The following TAFA1 variants were observed in gnomAD, a reference collection of about 807,000 sequenced individuals.
The protein encoded by TAFA1 is chemokine-like protein TAFA-1.
Under a neutral mutation model 18.5 loss-of-function variants are expected in TAFA1, and 4 were observed. The ratio of observed to expected loss-of-function variants is 0.22; its 90% CI spans 0.11 to 0.49. The LOEUF (loss-of-function observed/expected upper bound fraction) is 0.49, where lower values mean the gene tolerates loss of function less well. Ranked by LOEUF, TAFA1 falls within the 20% of genes least tolerant of loss-of-function variation. The pLI, the probability that TAFA1 is intolerant of heterozygous loss-of-function variation, is 0.98. For synonymous variants in TAFA1, 56 were observed against 55.2 expected (o/e 1.01, Z -0.06); for missense variants, 147 against 169.0 (o/e 0.87, Z 0.72).
intron 2 of TAFA1, among the ~76,000 whole-genome samples, chr3:68,327,885 G>A (rs899693308): frequency 6.6e-6 from 1 of 152,140 alleles, no homozygotes; most frequent in Non-Finnish European, 1.5e-5. Flanking sequence ...ATGGACCCAG[G>A]TGGTCTACAA....
intron 2 of TAFA1, among the ~76,000 whole-genome samples, chr3:68,291,233 A>C (rs1477247786): frequency 6.6e-6 from 1 of 152,196 alleles, no homozygotes; most frequent in Non-Finnish European, 1.5e-5. Flanking sequence ...TAATAGAATA[A>C]GAGATATTTA....
At chr3:68,372,839 C>G (rs958701834) in intron 2 of TAFA1, among the ~76,000 whole-genome samples, 2 of 152,044 alleles carry the variant, frequency 1.3e-5, no homozygotes, top group African/African-American at 4.8e-5. Flanking sequence ...TAAAGAATAG[C>G]CCCAATAAGA....
At chr3:68,299,750 G>A (rs2068271506) in intron 2 of TAFA1, among the ~76,000 whole-genome samples, 1 of 152,198 alleles carries the variant, frequency 6.6e-6, no homozygotes, top group South Asian at 2.1e-4. Flanking sequence ...GCAGTCTTGG[G>A]ACTTGGTGTC....
At chr3:68,310,271 T>C (rs1334787957) in intron 2 of TAFA1, among the ~76,000 whole-genome samples, 1 of 152,178 alleles carries the variant, frequency 6.6e-6, no homozygotes, top group Non-Finnish European at 1.5e-5. Context: ...TCTTAAGTAG[T>C]TTTTGTTTAA....
At chr3:68,415,898 C>T (rs2070826517) in intron 2 of TAFA1, among the ~76,000 whole-genome samples, 1 of 152,100 alleles carries the variant, frequency 6.6e-6, no homozygotes, top group Admixed American at 6.6e-5. Context: ...CATAATTAGT[C>T]TACTCAAAAT....
chr3:68,197,305 G>T (rs1026608846), intron 2 of TAFA1, among the ~76,000 whole-genome samples: 2 of 151,628 alleles, frequency 1.3e-5, no homozygotes, highest in African/African-American at 4.8e-5. Context: ...ATATAATATT[G>T]CTTTTTAAAA....
chr3:68,221,200 A>T (rs978106836), intron 2 of TAFA1, among the ~76,000 whole-genome samples: 1 of 152,186 alleles, frequency 6.6e-6, no homozygotes, highest in South Asian at 2.1e-4. Context: ...TGTGGACTTC[A>T]GTATTACTGT....
chr3:68,239,830 A>C (rs939972277), intron 2 of TAFA1, among the ~76,000 whole-genome samples: 3 of 152,158 alleles, frequency 2.0e-5, no homozygotes, highest in Non-Finnish European at 4.4e-5. Flanking sequence ...CCCTGTAACA[A>C]CCTTGTTGAC....
chr3:68,074,147 C>T (rs532581122), intron 2 of TAFA1, among the ~76,000 whole-genome samples: 1 of 152,250 alleles, frequency 6.6e-6, no homozygotes, highest in East Asian at 1.9e-4. Flanking sequence ...AGATCTCACA[C>T]CTATGCAGTT....
intron 4 of TAFA1, among the ~76,000 whole-genome samples, chr3:68,540,778 A>G (rs927539053): frequency 2.0e-5 from 3 of 152,218 alleles, no homozygotes; most frequent in African/African-American, 7.2e-5. Context: ...TAGAATATAA[A>G]ACAAACAAAA....
chr3:68,320,770 T>C (rs2068686450), intron 2 of TAFA1, among the ~76,000 whole-genome samples: 1 of 152,096 alleles, frequency 6.6e-6, no homozygotes, highest in Admixed American at 6.5e-5. Context: ...AAACTCTAGA[T>C]TGTGAAACAA....
intron 3 of TAFA1, among the ~76,000 whole-genome samples, chr3:68,510,236 T>G (rs539117714): frequency 6.6e-6 from 1 of 152,248 alleles, no homozygotes. Flanking sequence ...TAGTATCCAT[T>G]GCTGTCTTTG....
At chr3:68,476,723 A>G (rs1195090520) in intron 3 of TAFA1, among the ~76,000 whole-genome samples, 1 of 152,170 alleles carries the variant, frequency 6.6e-6, no homozygotes, top group African/African-American at 2.4e-5. Context: ...TTACATTCAT[A>G]GGATTTGTTA....
At chr3:68,335,064 A>T (rs539519493) in intron 2 of TAFA1, among the ~76,000 whole-genome samples, 1 of 152,234 alleles carries the variant, frequency 6.6e-6, no homozygotes. Context: ...ATGGAGTTTT[A>T]TCATGTGACC....
intron 2 of TAFA1, among the ~76,000 whole-genome samples, chr3:68,410,252 A>G (rs1180755753): frequency 3.3e-5 from 5 of 152,118 alleles, no homozygotes; most frequent in Non-Finnish European, 7.4e-5. Flanking sequence ...GAGATGCCCC[A>G]TGGAGTTTTT....
intron 2 of TAFA1, among the ~76,000 whole-genome samples, chr3:68,412,677 T>A (rs2106783290): frequency 6.6e-6 from 1 of 152,262 alleles, no homozygotes; most frequent in South Asian, 2.1e-4. Flanking sequence ...GTTTCCAGCT[T>A]CATCCATGTC....
rs957783085 is a variant in TAFA1 at position 68,112,122 on chromosome 3, A to T, written c.118+105378A>T. On this transcript the variant is annotated intron_variant, in intron 2 of 4. Transcript: ENST00000478136. Reference sequence around the variant, plus strand: ...AAAAAAATGCTATACTCATATAGAGAAGAGACAGAGCAAGGCAAGCTTTAA... The same window carrying T: ...AAAAAAATGCTATACTCATATAGAGTAGAGACAGAGCAAGGCAAGCTTTAA... Among the ~76,000 whole-genome samples the T allele has an allele frequency of 2.6e-5, 4 of 152,078 alleles. No homozygotes were observed. The South Asian group carries it at 8.3e-4, about 32-fold the overall frequency.
At chr3:68,133,185 G>A (rs751750786) in intron 2 of TAFA1, among the ~76,000 whole-genome samples, 1 of 152,140 alleles carries the variant, frequency 6.6e-6, no homozygotes, top group Admixed American at 6.5e-5. Context: ...GCAGATGTAT[G>A]TTGTTAGTTC....
chr3:68,016,500 G>A (rs1037478708), intron 2 of TAFA1, among the ~76,000 whole-genome samples: 6 of 152,186 alleles, frequency 3.9e-5, no homozygotes, highest in East Asian at 3.9e-4. Context: ...AATACTTATC[G>A]TTGTGCTACA....
Sources: allele counts gnomAD v4.1 joint callset (sites outside exome capture counted in the v4.1 genomes callset), GRCh38; gene constraint gnomAD v4.1.1; transcripts MANE v1.5; gene names NCBI Gene and HGNC (gene_info 2026-07-23, HGNC 2026-07-21).